MUTYH: variants seen among roughly 807,000 people sequenced by gnomAD.
MUTYH encodes the protein adenine DNA glycosylase.
In MUTYH, 64 loss-of-function variants were observed where a neutral mutation model predicts 72.9. That is an observed-to-expected ratio of 0.88 (90% CI 0.72 to 1.08). The LOEUF (loss-of-function observed/expected upper bound fraction) is 1.08, where lower values mean the gene tolerates loss of function less well. MUTYH is among the 50% of genes least tolerant of loss of function. The pLI is 0.00. For missense variants in MUTYH, 633 were observed against 671.0 expected, an observed-to-expected ratio of 0.94 and a Z score of 0.63; for synonymous variants, 234 against 263.1, an observed-to-expected ratio of 0.89 and a Z score of 1.07.
Position 45,332,594 on chromosome 1 carries a change from C to T in MUTYH, c.586G>A (p.Ala196Thr), listed in dbSNP as rs878854192. 4.3e-6 allele frequency: 7 copies of T among 1,614,146 alleles called. No homozygotes were observed. The highest frequency in any genetic ancestry group is 5.9e-6 in the Non-Finnish European group (7 of 1,180,018). The change falls in exon 8 of 16, where the codon GCC becomes ACC. Residue 196 changes from alanine to threonine, a missense_variant. Transcript: ENST00000456914. ...ATCACCTGGCCAAAGGCGATAGAGGCAATGGCCCCAGCTGTGTAGCGCCCC... is the reference window on the plus strand; with the variant it reads ...ATCACCTGGCCAAAGGCGATAGAGGTAATGGCCCCAGCTGTGTAGCGCCCC... The part of the protein sequence containing the change: ...GVGRYTAGAI[A>T]SIAFGQATGV...
chr1:45,334,677 C>T (rs1235477697), intron 1 of MUTYH, among the ~76,000 whole-genome samples, 166 bp from the exon 2 acceptor site: 1 of 152,208 alleles, frequency 6.6e-6, no homozygotes. Context: ...GGCTGCAGCA[C>T]TGAGATACAA....
In MUTYH at chr1:45,333,596, T is replaced by C. The variant is rs751914222; in HGVS notation, c.116-35A>G. ...CCCCAGGACACTCAGCAATCATCCC[T>C]GCACAGGCTGTGCATCAGGGTCTTG... On this transcript the variant is annotated intron_variant, in intron 2 of 15. Coordinates refer to ENST00000456914, the MANE Select transcript of MUTYH (RefSeq NM_001048174.2). 6.2e-7 allele frequency: 1 copy of C among 1,607,544 alleles called. No homozygotes were observed. Among genetic ancestry groups the C allele is most frequent in the South Asian group, 1.1e-5 (1 of 90,908 alleles).
In MUTYH at chr1:45,329,405, G is replaced by A. The variant is rs757781701; in HGVS notation, c.1467C>T (p.Cys489=). The A allele has an allele frequency of 6.2e-7, 1 of 1,614,138 alleles. No homozygotes were observed. Among genetic ancestry groups the A allele is most frequent in the South Asian group, 1.1e-5 (1 of 91,086 alleles). Residue 489 remains cysteine (C), a synonymous_variant, in exon 16 of 16, where the codon TGC becomes TGT. Transcript: ENST00000456914. ...GSKRSQVSSP[C]SRKKPRMGQQ... ...GGCCCATGCGGGGCTTTTTCCGACT[G>A]CACGGAGAGGACACCTGGGACCTTT...
chr1:45,332,962 A>G lies in MUTYH; in HGVS notation c.379-3T>C, dbSNP rs770203030. 16 of 1,614,118 alleles carry G rather than the reference A, an allele frequency of 9.9e-6. No homozygotes were observed. Among genetic ancestry groups the G allele is most frequent in the Non-Finnish European group, 1.4e-5 (16 of 1,180,024 alleles). On this transcript the variant is annotated splice_region_variant and splice_polypyrimidine_tract_variant and intron_variant, in intron 5 of 15. Transcript: ENST00000456914. ...AGGTCCTGCAGTGTAGGCCACTTCT[A>G]TAGCCACAGGCAGGCAGAAAGAGAC...
At chr1:45,331,381 C>T (rs779911440) in intron 13 of MUTYH, 39 bp downstream of exon 13, 1 of 1,614,238 alleles carries the variant, frequency 6.2e-7, no homozygotes, top group East Asian at 2.2e-5. Flanking sequence ...GATATAGCCT[C>T]AAAAGCCAAC....
At position 45,334,520 on chromosome 1, in the gene MUTYH, A is replaced by G; in HGVS notation, c.-6-9T>C. ...GGCTTCCTCATGATGGCCTGAAACA[A>G]AAAGACCCAGCCAAAGCAGTCAGTC... On this transcript the variant is annotated splice_polypyrimidine_tract_variant and intron_variant, in intron 1 of 15. Transcript: ENST00000456914. 6.2e-7 allele frequency: 1 copy of G among 1,614,010 alleles called. No homozygotes were observed.
At position 45,329,268 on chromosome 1, in the gene MUTYH, A is replaced by G. The variant is rs761475658; in HGVS notation, c.*38T>C. The G allele has an allele frequency of 6.2e-7, 1 of 1,612,430 alleles. No individual in the cohort carries two copies. Among genetic ancestry groups the G allele is most frequent in the East Asian group, 2.3e-5 (1 of 43,878 alleles). On this transcript the variant is annotated 3_prime_UTR_variant, in exon 16 of 16. Transcript: ENST00000456914. ...AACTACAAAAATAAGCACTTTACTA[A>G]CAACAGGATTCTCAGGGAATGGGGG...
intron 2 of MUTYH, 97 bp downstream of exon 2, chr1:45,334,294 T>G (rs1645533559): frequency 2.5e-6 from 4 of 1,579,176 alleles, no homozygotes; most frequent in Non-Finnish European, 3.5e-6. Context: ...TGGCCCTTAG[T>G]AAGTCTCTTA....
chr1:45,331,128 T>C (rs909005975), intron 14 of MUTYH, 54 bp downstream of exon 14: 81 of 1,608,442 alleles, frequency 5.0e-5, no homozygotes, highest in Non-Finnish European at 3.6e-5. Context: ...AATATATTCA[T>C]GTAGAACATG....
At chr1:45,330,942 A>C (rs1441521783) in intron 14 of MUTYH, among the ~76,000 whole-genome samples, 1 of 152,124 alleles carries the variant, frequency 6.6e-6, no homozygotes, top group Non-Finnish European at 1.5e-5. Context: ...AAAATTAGCC[A>C]GGCATGGTGG....
chr1:45,335,872 A>T (rs1246885337), intron 1 of MUTYH, among the ~76,000 whole-genome samples: 2 of 151,974 alleles, frequency 1.3e-5, no homozygotes, highest in African/African-American at 4.8e-5. Flanking sequence ...GACATGCTGA[A>T]CTCAAGAAGC....
upstream of MUTYH, chr1:45,340,147 C>G (rs1646788230): frequency 3.1e-6 from 5 of 1,587,620 alleles, no homozygotes; most frequent in Admixed American, 7.1e-5. Flanking sequence ...CATCGGCGAC[C>G]CGACGGCGAG....
chr1:45,338,393 G>T, intron 1 of MUTYH: 1 of 446,936 alleles, frequency 2.2e-6, no homozygotes, highest in Non-Finnish European at 4.3e-6. Context: ...TCCTCTGTTT[G>T]GACTCTTTTA....
chr1:45,339,461 G>T (rs929336474), intron 1 of MUTYH, among the ~76,000 whole-genome samples: 1 of 150,222 alleles, frequency 6.7e-6, no homozygotes, highest in African/African-American at 2.5e-5. Flanking sequence ...TAATCCGCCC[G>T]CCTCGGCCTC....
intron 2 of MUTYH, 192 bp from the exon 3 acceptor site, chr1:45,333,753 T>G: frequency 1.2e-6 from 1 of 815,474 alleles, no homozygotes; most frequent in Non-Finnish European, 1.9e-6. Flanking sequence ...GGCCTTAATT[T>G]TCTCAGGGTG....
At position 45,332,969 on chromosome 1, in the gene MUTYH, C is replaced by T. The variant is rs1553129380; in HGVS notation, c.379-10G>A. The stretch of plus-strand genomic sequence containing the variant: ...GCAGTGTAGGCCACTTCTATAGCCA[C>T]AGGCAGGCAGAAAGAGACAAGGTCA... On this transcript the variant is annotated splice_polypyrimidine_tract_variant and intron_variant, in intron 5 of 15. Coordinates refer to ENST00000456914, the MANE Select transcript of MUTYH (RefSeq NM_001048174.2). 1.2e-6 allele frequency: 2 copies of T among 1,614,128 alleles called. No individual in the cohort carries two copies. The highest frequency in any genetic ancestry group is 8.5e-7 in the Non-Finnish European group (1 of 1,180,022).
In MUTYH at chr1:45,339,910, G is replaced by A. The variant is rs1252651601; in HGVS notation, c.-18C>T. 1 of 1,426,790 alleles carries A rather than the reference G, an allele frequency of 7.0e-7. No homozygotes were observed. The highest frequency in any genetic ancestry group is 2.1e-5 in the Admixed American group (1 of 48,618). 88.4% of individuals were successfully genotyped at this position (1,426,790 alleles called of 1,614,324 possible). A position where few individuals can be genotyped will look rare whatever the true frequency, so the allele number is the denominator to read the frequency against. On this transcript the variant is annotated 5_prime_UTR_variant, in exon 1 of 16. Coordinates refer to ENST00000456914, the MANE Select transcript of MUTYH (RefSeq NM_001048174.2). Reference sequence around the variant, plus strand: ...CCACTACCCGCTACCCGCGGCCCACGCTGATGAAGACAGCAGAACACGGAG... The same window carrying A: ...CCACTACCCGCTACCCGCGGCCCACACTGATGAAGACAGCAGAACACGGAG...
At chr1:45,340,384 G>A, upstream of MUTYH, 2 of 1,550,452 alleles carry the variant, frequency 1.3e-6, no homozygotes, top group Middle Eastern at 1.7e-4. Flanking sequence ...AGTTCTAGAG[G>A]CTCCTCAAGC....
intron 4 of MUTYH, 37 bp from the exon 5 acceptor site, chr1:45,333,207 C>T (rs1334834722): frequency 6.2e-7 from 1 of 1,614,136 alleles, no homozygotes; most frequent in Non-Finnish European, 8.5e-7. Context: ...CACTGCTGAC[C>T]TGCCCCTACC....
Sources: gnomAD v4.1 joint callset for allele counts (sites outside exome capture counted in the v4.1 genomes callset) on GRCh38, gnomAD v4.1.1 for gene constraint, MANE v1.5 for transcripts, NCBI Gene and HGNC (gene_info 2026-07-23, HGNC 2026-07-21) for gene names.